The following AFF3 variants were observed in gnomAD, a reference collection of about 807,000 sequenced individuals.
AFF3 encodes the protein ALF transcription elongation factor 3.
In AFF3, 32 loss-of-function variants were observed where a neutral mutation model predicts 129.7. The ratio of observed to expected loss-of-function variants is 0.25; its 90% CI spans 0.19 to 0.33. The LOEUF (loss-of-function observed/expected upper bound fraction) is 0.33. Among genes scored for constraint, AFF3 ranks in the 10% least tolerant of loss-of-function variants. AFF3 has a pLI of 1.00. For synonymous variants in AFF3, 644 were observed against 635.4 expected (o/e 1.01, Z -0.20); for missense variants, 1,373 against 1,592.0 (o/e 0.86, Z 2.34).
chr2:99,830,253 C>T (rs754648598), intron 8 of AFF3, among the ~76,000 whole-genome samples: 17 of 151,574 alleles, frequency 1.1e-4, no homozygotes, highest in Non-Finnish European at 2.1e-4. Flanking sequence ...CAAACCTGCA[C>T]ATTCTGCACA....
intron 7 of AFF3, among the ~76,000 whole-genome samples, chr2:99,857,708 C>A (rs1032379664): frequency 6.6e-6 from 1 of 152,260 alleles, no homozygotes; most frequent in South Asian, 2.1e-4. Flanking sequence ...CTCAATTCAA[C>A]CTTGGTCCTA....
chr2:99,593,937 G>A lies in AFF3; in HGVS notation c.1724C>T (p.Ala575Val), dbSNP rs1679016817. ...PAVPCAPAEN[A>V]PAPARRSAGK... ...CGCGGACCTCCGGGCAGGCGCGGGC[G>A]CGTTCTCCGCGGGCGCACAGGGCAC... is the stretch of plus-strand genomic sequence containing the variant. Residue 575 changes from alanine to valine, a missense_variant, in exon 15 of 25, where the codon GCG becomes GTG. By Grantham distance (64) the Ala-to-Val change is moderately conservative. This residue lies in a region of AFF3 where 3 missense variants were observed against 16.6 expected (regional missense o/e 0.18). Coordinates refer to ENST00000672756, the MANE Select transcript of AFF3 (RefSeq NM_001386135.1). 7.1e-7 allele frequency: 1 copy of A among 1,418,004 alleles called. No homozygotes were observed. The highest frequency in any genetic ancestry group is 9.2e-7 in the Non-Finnish European group (1 of 1,087,570). 87.8% of individuals were successfully genotyped at this position (1,418,004 alleles called of 1,614,324 possible).
chr2:100,104,759 C>T, intron 3 of AFF3: 1 of 949,096 alleles, frequency 1.1e-6, no homozygotes, highest in Non-Finnish European at 1.2e-6. Flanking sequence ...TGCGCCCGCC[C>T]CTCCTCCCCT....
chr2:99,698,949 C>A (rs975722373), intron 11 of AFF3, among the ~76,000 whole-genome samples: 1 of 152,110 alleles, frequency 6.6e-6, no homozygotes, highest in African/African-American at 2.4e-5. Flanking sequence ...AAAGGGAGCA[C>A]ATCAATGTAA....
chr2:99,774,110 T>C (rs1378121164), intron 8 of AFF3, among the ~76,000 whole-genome samples: 1 of 152,076 alleles, frequency 6.6e-6, no homozygotes, highest in African/African-American at 2.4e-5. Flanking sequence ...GGAAAAACAT[T>C]CCATGCTCAT....
At chr2:99,608,158 T>G (rs966096642) in intron 13 of AFF3, among the ~76,000 whole-genome samples, 1 of 152,254 alleles carries the variant, frequency 6.6e-6, no homozygotes, top group Admixed American at 6.5e-5. Context: ...TTTCTCAGCG[T>G]CTGGACAGGC....
At chr2:100,071,260 AT>A (rs1314683167) in intron 4 of AFF3, among the ~76,000 whole-genome samples, 1 of 152,226 alleles carries the variant, frequency 6.6e-6, no homozygotes, top group Non-Finnish European at 1.5e-5. Context: ...ATGTCATCAT[AT>A]ACAATAGAGA....
chr2:100,090,742 T>C (rs986611524), intron 4 of AFF3, among the ~76,000 whole-genome samples: 3 of 152,198 alleles, frequency 2.0e-5, no homozygotes, highest in African/African-American at 2.4e-5. Flanking sequence ...AATGGTGCGA[T>C]CTAGGCTCAC....
intron 11 of AFF3, among the ~76,000 whole-genome samples, chr2:99,702,657 T>C (rs928414339): frequency 1.3e-5 from 2 of 152,242 alleles, no homozygotes; most frequent in Non-Finnish European, 2.9e-5. Flanking sequence ...TATTTGCTAA[T>C]GGCTAATGAA....
Position 99,727,085 on chromosome 2 carries a change from C to T in AFF3, c.1083G>A (p.Ser361=), listed in dbSNP as rs764004964. 9 of 1,605,322 alleles carry T rather than the reference C, an allele frequency of 5.6e-6. No homozygotes were observed. Among genetic ancestry groups the T allele is most frequent in the Admixed American group, 3.5e-5 (2 of 57,644 alleles). Residue 361 remains serine, a synonymous_variant, in exon 11 of 25, where the codon TCG becomes TCA. Coordinates refer to ENST00000672756, the MANE Select transcript of AFF3 (RefSeq NM_001386135.1). ...AAATGAAAGAAACTTACGATGTATTCGATGTGCCATTGTCTGGACTCTCTG... is the reference window on the plus strand; with the variant it reads ...AAATGAAAGAAACTTACGATGTATTTGATGTGCCATTGTCTGGACTCTCTG... ...AEPESPDNGT[S]NTSMLEDDLK... is the part of the protein sequence containing the mutation.
chr2:99,573,207 T>C (rs561643949), intron 18 of AFF3, among the ~76,000 whole-genome samples: 2 of 152,326 alleles, frequency 1.3e-5, no homozygotes, highest in East Asian at 3.9e-4. Context: ...GATCTGAATG[T>C]CCTTGTCTCC....
chr2:99,824,414 C>A (rs1687921335), intron 8 of AFF3, among the ~76,000 whole-genome samples: 1 of 152,064 alleles, frequency 6.6e-6, no homozygotes, highest in Admixed American at 6.5e-5. Flanking sequence ...AGCACCCAGC[C>A]CAAAATCCTT....
intron 12 of AFF3, 135 bp from the exon 13 acceptor site, chr2:99,649,801 T>C: frequency 2.3e-6 from 2 of 854,732 alleles, no homozygotes; most frequent in Admixed American, 2.2e-5. Context: ...CGACTAGCAA[T>C]GAAGTAGAGA....
intron 7 of AFF3, among the ~76,000 whole-genome samples, chr2:99,899,185 C>T: frequency 6.6e-6 from 1 of 152,218 alleles, no homozygotes; most frequent in Non-Finnish European, 1.5e-5. Context: ...AAAAATACCT[C>T]TTCCTACTTT....
chr2:99,971,649 C>G (rs543614628), intron 7 of AFF3, among the ~76,000 whole-genome samples: 1 of 152,224 alleles, frequency 6.6e-6, no homozygotes, highest in East Asian at 1.9e-4. Flanking sequence ...TAGTTTTGAT[C>G]CACTTTGTAT....
chr2:99,879,898 A>G (rs1576260989), intron 7 of AFF3, among the ~76,000 whole-genome samples: 1 of 152,248 alleles, frequency 6.6e-6, no homozygotes, highest in Admixed American at 6.5e-5. Context: ...TGTAACTTTC[A>G]TTAAAATATA....
At chr2:99,618,415 T>C (rs768648024) in intron 13 of AFF3, among the ~76,000 whole-genome samples, 16 of 151,894 alleles carry the variant, frequency 1.1e-4, no homozygotes, top group Non-Finnish European at 2.1e-4. Flanking sequence ...TTTGTATTTT[T>C]AGTAAAGACG....
At chr2:100,075,375 G>A (rs188858412) in intron 4 of AFF3, among the ~76,000 whole-genome samples, 1 of 152,058 alleles carries the variant, frequency 6.6e-6, no homozygotes, top group Non-Finnish European at 1.5e-5. Flanking sequence ...CCTCTAGTGA[G>A]GGGGCATTTC....
intron 8 of AFF3, among the ~76,000 whole-genome samples, chr2:99,760,667 A>G (rs1682499885): frequency 1.3e-5 from 2 of 152,034 alleles, no homozygotes; most frequent in East Asian, 1.9e-4. Context: ...CTTTGCCTCT[A>G]TTGACCTACT....
Sources: gnomAD v4.1 joint callset for allele counts (sites outside exome capture counted in the v4.1 genomes callset) on GRCh38, gnomAD v4.1.1 for gene constraint, gnomAD v4.1.1 regional missense constraint, MANE v1.5 for transcripts, NCBI Gene and HGNC (gene_info 2026-07-23, HGNC 2026-07-21) for gene names.